The following ITIH5 variants were observed in gnomAD, a reference collection of about 807,000 sequenced individuals.
ITIH5 encodes inter-alpha-trypsin inhibitor heavy chain H5.
Under a neutral mutation model 77.5 loss-of-function variants are expected in ITIH5, and 65 were observed. That is an observed-to-expected ratio of 0.84 (90% confidence interval 0.69 to 1.03). The LOEUF is 1.03. Among genes scored for constraint, ITIH5 ranks in the 50% least tolerant of loss-of-function variants. The pLI, the probability that ITIH5 is intolerant of heterozygous loss-of-function variation, is 0.00. For missense variants in ITIH5, 1,208 were observed against 1,213.1 expected (o/e 1.00, Z 0.06); for synonymous variants, 525 against 494.3 (o/e 1.06, Z -0.82).
rs755201966 is a variant in ITIH5 at position 7,563,015 on chromosome 10, A to G, written c.*68T>C. 2.8e-6 allele frequency: 4 copies of G among 1,425,000 alleles called. No individual in the cohort carries two copies. The highest frequency in any genetic ancestry group is 1.4e-5 in the African/African-American group (1 of 71,954). The allele number at this position is 1,425,000 out of a possible 1,614,324, so 88.3% of individuals were successfully genotyped here. On this transcript the variant is annotated 3_prime_UTR_variant, in exon 14 of 14. Transcript: ENST00000397146. ...GAGCTGAGGCGTGTACAAGCCATGA[A>G]AAGAGCTGCCCCACGGCCTCCCCAC...
At chr10:7,566,469 C>T (rs1832161325) in intron 12 of ITIH5, 62 bp from the exon 13 acceptor site, 2 of 1,505,796 alleles carry the variant, frequency 1.3e-6, no homozygotes, top group Admixed American at 1.9e-5. Context: ...TGGCTCACAC[C>T]TGTAATCCCA....
chr10:7,565,456 CACAG>C (rs772317795), intron 13 of ITIH5, among the ~76,000 whole-genome samples: 8 of 150,234 alleles, frequency 5.3e-5, no homozygotes, highest in East Asian at 2.0e-4. Context: ...TATATATACA[CACAG>C]ACATACATAT....
chr10:7,589,740 C>T (rs1337581955), intron 7 of ITIH5, among the ~76,000 whole-genome samples: 2 of 151,958 alleles, frequency 1.3e-5, no homozygotes, highest in Non-Finnish European at 2.9e-5. Context: ...CTGGCTCCCA[C>T]CCCCAGGAAA....
intron 5 of ITIH5, among the ~76,000 whole-genome samples, chr10:7,629,161 A>G (rs898141362): frequency 2.4e-3 from 214 of 89,658 alleles, no homozygotes; most frequent in African/African-American, 6.0e-3. Context: ...GCATGCATCC[A>G]TGTTATCATA....
intron 4 of ITIH5, among the ~76,000 whole-genome samples, chr10:7,639,221 T>C (rs1833845653): frequency 6.6e-6 from 1 of 152,198 alleles, no homozygotes; most frequent in Admixed American, 6.5e-5. Flanking sequence ...ACAGGGTTTT[T>C]ATAGAATTAG....
intron 1 of ITIH5, among the ~76,000 whole-genome samples, chr10:7,659,747 A>G (rs1405626166): frequency 6.6e-6 from 1 of 152,236 alleles, no homozygotes. Context: ...TCAGGGGATC[A>G]CTATGGCCAC....
intron 1 of ITIH5, among the ~76,000 whole-genome samples, chr10:7,659,987 A>G (rs1834250263): frequency 6.6e-6 from 1 of 152,158 alleles, no homozygotes; most frequent in African/African-American, 2.4e-5. Flanking sequence ...TTCAGGCAAA[A>G]CTACCATAAA....
chr10:7,665,687 G>A (rs1257326782), intron 1 of ITIH5, among the ~76,000 whole-genome samples: 2 of 152,212 alleles, frequency 1.3e-5, no homozygotes, highest in African/African-American at 4.8e-5. Flanking sequence ...AAAAAGAGCC[G>A]CATTCCCTGC....
At chr10:7,643,448 G>A (rs1833920599) in intron 2 of ITIH5, among the ~76,000 whole-genome samples, 1 of 152,312 alleles carries the variant, frequency 6.6e-6, no homozygotes, top group Middle Eastern at 3.4e-3. Context: ...AGTAATGGAT[G>A]TGGAACTTGA....
intron 2 of ITIH5, among the ~76,000 whole-genome samples, chr10:7,653,999 A>C (rs1369310214): frequency 6.6e-6 from 1 of 152,218 alleles, no homozygotes; most frequent in Non-Finnish European, 1.5e-5. Context: ...TACTAAAAAA[A>C]TAGAAAAATT....
Position 7,579,867 on chromosome 10 carries a change from T to A in ITIH5, c.1306A>T (p.Ile436Phe). The change falls in exon 9 of 14, where the codon ATT becomes TTT. Residue 436 changes from isoleucine (I) to phenylalanine (F), a missense_variant. Coordinates refer to ENST00000397146, the MANE Select transcript of ITIH5 (RefSeq NM_030569.7). ...AAGTCCACGTCGTTGCCGATGCCAA[T>A]GGTGAAGATGCAGACTTGGCCTCGG... ...AARGQVCIFT[I>F]GIGNDVDFRL... The A allele has an allele frequency of 6.2e-7, 1 of 1,614,214 alleles. No individual in the cohort carries two copies. The highest frequency in any genetic ancestry group is 1.1e-5 in the South Asian group (1 of 91,088).
intron 5 of ITIH5, among the ~76,000 whole-genome samples, chr10:7,632,045 G>C (rs112354468): frequency 1.8e-3 from 277 of 151,030 alleles, no homozygotes; most frequent in East Asian, 0.012. Flanking sequence ...GTGATCCACC[G>C]ACCTTGCCCT....
At chr10:7,666,767 C>A (rs374402461) in intron 1 of ITIH5, 36 bp downstream of exon 1, 8 of 1,568,406 alleles carry the variant, frequency 5.1e-6, no homozygotes, top group Non-Finnish European at 7.0e-6. Flanking sequence ...AGGGGGCGGC[C>A]GCGCCCGGGA....
At chr10:7,611,422 G>C (rs892010277) in intron 7 of ITIH5, among the ~76,000 whole-genome samples, 1 of 152,210 alleles carries the variant, frequency 6.6e-6, no homozygotes, top group Non-Finnish European at 1.5e-5. Flanking sequence ...ATAATTTGGG[G>C]CAGGGTTTAT....
chr10:7,563,013 GAA>G lies in ITIH5; in HGVS notation c.*68_*69del, dbSNP rs1460043428. 1 of 1,405,066 alleles carries G rather than the reference GAA, an allele frequency of 7.1e-7. No individual in the cohort carries two copies. Among genetic ancestry groups the G allele is most frequent in the East Asian group, 2.3e-5 (1 of 43,654 alleles). 87.0% of individuals were successfully genotyped at this position (1,405,066 alleles called of 1,614,324 possible). On this transcript the variant is annotated 3_prime_UTR_variant, in exon 14 of 14. Coordinates refer to ENST00000397146, the MANE Select transcript of ITIH5 (RefSeq NM_030569.7). ...AGGAGCTGAGGCGTGTACAAGCCAT[GAA>G]AAGAGCTGCCCCACGGCCTCCCCAC...
At chr10:7,592,345 C>A (rs146681185) in intron 7 of ITIH5, among the ~76,000 whole-genome samples, 2 of 152,264 alleles carry the variant, frequency 1.3e-5, no homozygotes, top group African/African-American at 4.8e-5. Flanking sequence ...CCTGCCCCAC[C>A]CTCCCAACAT....
At chr10:7,613,721 T>A (rs1250197302) in intron 7 of ITIH5, among the ~76,000 whole-genome samples, 1 of 152,180 alleles carries the variant, frequency 6.6e-6, no homozygotes, top group Non-Finnish European at 1.5e-5. Context: ...GAGCTCAGCA[T>A]TTGGGACCAC....
chr10:7,615,747 C>T (rs1249253091), intron 7 of ITIH5, among the ~76,000 whole-genome samples: 2 of 152,202 alleles, frequency 1.3e-5, no homozygotes, highest in Admixed American at 1.3e-4. Flanking sequence ...TCTGCCAGTG[C>T]TGTTTATTTC....
intron 7 of ITIH5, among the ~76,000 whole-genome samples, chr10:7,607,370 G>A (rs1668973580): frequency 6.6e-6 from 1 of 152,204 alleles, no homozygotes; most frequent in Non-Finnish European, 1.5e-5. Flanking sequence ...CTGGGGGCCG[G>A]GCGTGGTGGC....
Sources: allele counts gnomAD v4.1 joint callset (sites outside exome capture counted in the v4.1 genomes callset), GRCh38; gene constraint gnomAD v4.1.1; transcripts MANE v1.5; gene names NCBI Gene and HGNC (gene_info 2026-07-23, HGNC 2026-07-21).